The following MAP4 variants were observed in gnomAD, a reference collection of about 807,000 sequenced individuals.
MAP4 encodes the protein microtubule-associated protein 4.
A neutral mutation model predicts 170.2 loss-of-function variants in MAP4; 76 were observed. The ratio of observed to expected loss-of-function variants is 0.45; its 90% CI spans 0.37 to 0.54. MAP4 has a LOEUF of 0.54. MAP4 is among the 20% of genes least tolerant of loss of function. The pLI is 0.00. For missense variants in MAP4, 2,506 were observed against 2,748.0 expected (o/e 0.91, Z 1.97); for synonymous variants, 909 against 994.5 (o/e 0.91, Z 1.62).
Position 47,987,506 on chromosome 3 carries a change from T to C in MAP4, c.224-9573A>G, listed in dbSNP as rs2100089489. 7 of 1,016,664 alleles carry C rather than the reference T, an allele frequency of 6.9e-6. No homozygotes were observed. The South Asian group carries it at 1.1e-4, about 16-fold the overall frequency. The allele number at this position is 1,016,664 out of a possible 1,614,324, so 63.0% of individuals were successfully genotyped here. The stretch of plus-strand genomic sequence containing the variant: ...ATCTAAATCCAATCTTAAAGGATTT[T>C]AGAACAACAACTCTAGCAAAAGCTT... On this transcript the variant is annotated intron_variant, in intron 2 of 20. Coordinates refer to ENST00000683076, the MANE Select transcript of MAP4 (RefSeq NM_001385682.1).
At chr3:48,068,348 T>C (rs985011084) in intron 1 of MAP4, among the ~76,000 whole-genome samples, 11 of 151,988 alleles carry the variant, frequency 7.2e-5, no homozygotes, top group African/African-American at 1.7e-4. Flanking sequence ...AACTGAATCC[T>C]TGGCTGTGAG....
chr3:48,031,910 C>G (rs1440921008), intron 1 of MAP4, among the ~76,000 whole-genome samples: 1 of 152,050 alleles, frequency 6.6e-6, no homozygotes. Context: ...CACACACACA[C>G]AGACATAAAT....
At chr3:48,029,902 G>A in intron 1 of MAP4, among the ~76,000 whole-genome samples, 1 of 151,254 alleles carries the variant, frequency 6.6e-6, no homozygotes, top group Non-Finnish European at 1.5e-5. Context: ...GGAGGCTGAG[G>A]TAGGGAAATC....
chr3:48,023,595 C>T (rs1356061699), intron 1 of MAP4, among the ~76,000 whole-genome samples: 2 of 152,128 alleles, frequency 1.3e-5, no homozygotes, highest in Non-Finnish European at 2.9e-5. Context: ...ATGTGCTGAC[C>T]TTTAAAAGAC....
In MAP4 at chr3:47,966,228, C is replaced by CTTTTTT. The variant is rs757460367; in HGVS notation, c.292+11631_292+11636dup. 1.1e-3 allele frequency among the ~76,000 whole-genome samples: 54 copies of CTTTTTT among 50,260 alleles called. 14 individuals carry two copies. The highest frequency in any genetic ancestry group is 1.8e-3 in the East Asian group (2 of 1,118). The allele number at this position is 50,260 out of a possible 152,430, so 33.0% of individuals were successfully genotyped here. On this transcript the variant is annotated intron_variant, in intron 3 of 20. Transcript: ENST00000683076. ...AGCTGGGACTACAGGCCCACACTAC[C>CTTTTTT]TTTTTTTTTTTTTTTTTTTTTTTTT...
At chr3:47,961,451 T>C (rs934935299) in intron 3 of MAP4, among the ~76,000 whole-genome samples, 1 of 152,208 alleles carries the variant, frequency 6.6e-6, no homozygotes, top group Non-Finnish European at 1.5e-5. Flanking sequence ...CCCTCTGACA[T>C]AGCTGTATCT....
chr3:47,891,228 T>C (rs1376672714), intron 10 of MAP4: 3 of 1,536,210 alleles, frequency 2.0e-6, no homozygotes, highest in Admixed American at 2.0e-5. Context: ...TCCAGCTTAC[T>C]ATGGAGATAT....
At chr3:47,994,804 G>GC (rs1418247293) in intron 2 of MAP4, among the ~76,000 whole-genome samples, 1 of 152,120 alleles carries the variant, frequency 6.6e-6, no homozygotes, top group Non-Finnish European at 1.5e-5. Context: ...ACAAAAATTA[G>GC]CCAGGCATGG....
In MAP4 at chr3:47,852,778, A is replaced by G. The variant is rs2045214610; in HGVS notation, c.*156T>C. 6.5e-7 allele frequency: 1 copy of G among 1,547,046 alleles called. No individual in the cohort carries two copies. The highest frequency in any genetic ancestry group is 1.4e-5 in the African/African-American group (1 of 73,118). On this transcript the variant is annotated 3_prime_UTR_variant, in exon 21 of 21. Transcript: ENST00000683076. ...TAGCGGGCTGCCCAGCACGGCGCCC[A>G]AGCGCTCACTGGTCTAGTGGACAGC...
upstream of MAP4, among the ~76,000 whole-genome samples, chr3:48,020,658 A>G (rs2100110093): frequency 6.6e-6 from 1 of 152,230 alleles, no homozygotes; most frequent in African/African-American, 2.4e-5. Flanking sequence ...GTTATTAGTA[A>G]CATAACTTTT....
At chr3:48,085,176 C>G (rs1205568169) in intron 1 of MAP4, among the ~76,000 whole-genome samples, 2 of 146,866 alleles carry the variant, frequency 1.4e-5, no homozygotes, top group Non-Finnish European at 3.0e-5. Flanking sequence ...ATAGCAACTA[C>G]TCACGCTTAA....
At chr3:48,002,554 T>G (rs888413242) in intron 1 of MAP4, among the ~76,000 whole-genome samples, 1 of 134,488 alleles carries the variant, frequency 7.4e-6, no homozygotes, top group African/African-American at 2.8e-5. Context: ...GGTGACAGAG[T>G]GAGACCCTGT....
upstream of MAP4, among the ~76,000 whole-genome samples, chr3:48,018,142 C>T (rs111755538): frequency 5.3e-5 from 8 of 152,318 alleles, no homozygotes; most frequent in Non-Finnish European, 1.0e-4. Context: ...CACCTCCTGC[C>T]GTGCAGCCCA....
chr3:47,867,790 C>T (rs1007674473), intron 16 of MAP4, among the ~76,000 whole-genome samples: 13 of 152,168 alleles, frequency 8.5e-5, no homozygotes, highest in Non-Finnish European at 1.8e-4. Context: ...TAAATCTGGG[C>T]CCTGGAATGG....
chr3:47,938,606 A>C (rs1415519188), intron 3 of MAP4, among the ~76,000 whole-genome samples: 1 of 152,054 alleles, frequency 6.6e-6, no homozygotes, highest in Non-Finnish European at 1.5e-5. Flanking sequence ...CTGGCGTTGA[A>C]CAACTGGGCT....
intron 2 of MAP4, among the ~76,000 whole-genome samples, chr3:47,989,069 C>T (rs1350374179): frequency 6.6e-6 from 1 of 152,178 alleles, no homozygotes; most frequent in Non-Finnish European, 1.5e-5. Flanking sequence ...TTCAGCCTCT[C>T]AAAGTGCTGG....
Position 47,975,336 on chromosome 3 carries a change from C to G in MAP4, c.292+2529G>C, listed in dbSNP as rs1013433314. The G allele has an allele frequency of 4.5e-6, 7 of 1,543,432 alleles. No homozygotes were observed. The African/African-American group carries it at 8.3e-5, about 18-fold the overall frequency. On this transcript the variant is annotated intron_variant, in intron 3 of 20. Transcript: ENST00000683076. ...CCCGAAGAACTACCCTCAGTTTCTT[C>G]TACATCATGTCCAGGAATGAAAAGC...
chr3:48,060,329 T>G (rs1441997322), intron 1 of MAP4, among the ~76,000 whole-genome samples: 1 of 151,996 alleles, frequency 6.6e-6, no homozygotes, highest in African/African-American at 2.4e-5. Context: ...TGTGGAAGAT[T>G]AAAAGATTGA....
chr3:47,895,167 C>T (rs2100026153), intron 10 of MAP4, among the ~76,000 whole-genome samples: 1 of 152,198 alleles, frequency 6.6e-6, no homozygotes. Flanking sequence ...AAACGACACA[C>T]ACATATACAC....
Sources: allele counts gnomAD v4.1 joint callset (sites outside exome capture counted in the v4.1 genomes callset), GRCh38; gene constraint gnomAD v4.1.1; transcripts MANE v1.5; gene names NCBI Gene and HGNC (gene_info 2026-07-23, HGNC 2026-07-21).